The following TAFA1 variants were observed in gnomAD, a reference collection of about 807,000 sequenced individuals.
The protein encoded by TAFA1 is TAFA chemokine like family member 1.
Under a neutral mutation model 18.5 loss-of-function variants are expected in TAFA1, and 4 were observed. The observed-to-expected ratio is 0.22, with a 90% CI of 0.11 to 0.49. TAFA1 has a LOEUF of 0.49. TAFA1 is among the 20% of genes least tolerant of loss of function. The pLI is 0.98. For missense variants in TAFA1, 147 were observed against 169.0 expected (o/e 0.87, Z 0.72); for synonymous variants, 56 against 55.2 (o/e 1.01, Z -0.06).
chr3:68,057,217 T>C (rs141976766), intron 2 of TAFA1, among the ~76,000 whole-genome samples: 3 of 152,208 alleles, frequency 2.0e-5, no homozygotes, highest in East Asian at 3.8e-4. Flanking sequence ...AGTGTGATAA[T>C]TCAAATGCTG....
chr3:68,394,045 T>A (rs2106721977), intron 2 of TAFA1, among the ~76,000 whole-genome samples: 1 of 150,942 alleles, frequency 6.6e-6, no homozygotes. Context: ...AATATGCATT[T>A]AGAAAACCAC....
intron 2 of TAFA1, among the ~76,000 whole-genome samples, chr3:68,364,138 T>C (rs1031852023): frequency 1.3e-5 from 2 of 152,194 alleles, no homozygotes; most frequent in African/African-American, 2.4e-5. Context: ...CAGAATTAAG[T>C]GTAAGTGAAG....
chr3:68,384,293 T>C (rs1401134765), intron 2 of TAFA1, among the ~76,000 whole-genome samples: 1 of 151,626 alleles, frequency 6.6e-6, no homozygotes, highest in East Asian at 1.9e-4. Context: ...GATCTTTCTT[T>C]ATGATATGGA....
intron 2 of TAFA1, among the ~76,000 whole-genome samples, chr3:68,089,267 T>C (rs1181042498): frequency 6.6e-6 from 1 of 152,204 alleles, no homozygotes; most frequent in East Asian, 1.9e-4. Flanking sequence ...TTTACTTATT[T>C]GTAAAATTGA....
intron 3 of TAFA1, among the ~76,000 whole-genome samples, chr3:68,470,060 A>T (rs918907184): frequency 6.6e-6 from 1 of 152,154 alleles, no homozygotes; most frequent in Non-Finnish European, 1.5e-5. Context: ...GGTGAAGATA[A>T]TTGAATCATG....
chr3:68,375,132 C>T (rs561740551), intron 2 of TAFA1, among the ~76,000 whole-genome samples: 2 of 152,046 alleles, frequency 1.3e-5, no homozygotes, highest in Non-Finnish European at 2.9e-5. Context: ...GTGTTCCCAC[C>T]TGAACTGTAA....
chr3:68,024,731 C>T (rs1704775407), intron 2 of TAFA1, among the ~76,000 whole-genome samples: 1 of 151,332 alleles, frequency 6.6e-6, no homozygotes, highest in Non-Finnish European at 1.5e-5. Context: ...ACCTCCCATC[C>T]CTTAGGGGCA....
chr3:68,154,898 T>C (rs1378222358), intron 2 of TAFA1, among the ~76,000 whole-genome samples: 2 of 152,150 alleles, frequency 1.3e-5, no homozygotes, highest in Non-Finnish European at 2.9e-5. Flanking sequence ...CATTCTGCAA[T>C]GAAGACAGGG....
intron 2 of TAFA1, among the ~76,000 whole-genome samples, chr3:68,110,084 A>G (rs2065247007): frequency 6.6e-6 from 1 of 152,196 alleles, no homozygotes; most frequent in Non-Finnish European, 1.5e-5. Flanking sequence ...ATCACCTTGT[A>G]TTAAGCCCAG....
chr3:68,322,600 G>T (rs1004129232), intron 2 of TAFA1, among the ~76,000 whole-genome samples: 1 of 152,154 alleles, frequency 6.6e-6, no homozygotes, highest in Non-Finnish European at 1.5e-5. Context: ...GGGAGGCCAA[G>T]GAGGGAGAAT....
intron 2 of TAFA1, among the ~76,000 whole-genome samples, chr3:68,270,787 T>C (rs955530350): frequency 3.3e-5 from 5 of 152,152 alleles, no homozygotes; most frequent in African/African-American, 1.2e-4. Flanking sequence ...AGATGTATTA[T>C]GGATTAAACA....
chr3:68,094,337 C>T (rs916710904), intron 2 of TAFA1, among the ~76,000 whole-genome samples: 1 of 152,042 alleles, frequency 6.6e-6, no homozygotes, highest in African/African-American at 2.4e-5. Flanking sequence ...GACTTTGTTA[C>T]TTACTGTCTC....
chr3:68,360,199 C>T (rs1214369246), intron 2 of TAFA1, among the ~76,000 whole-genome samples: 1 of 151,924 alleles, frequency 6.6e-6, no homozygotes. Context: ...ATATTTACTC[C>T]ACAGATCCTC....
chr3:68,001,944 G>T (rs191480488), upstream of TAFA1, among the ~76,000 whole-genome samples: 4 of 152,282 alleles, frequency 2.6e-5, no homozygotes, highest in East Asian at 3.9e-4. Flanking sequence ...ATCTGAGGGT[G>T]TCACTTCAGC....
At position 68,004,712 on chromosome 3, in the gene TAFA1, A is replaced by G. The variant is rs1275242735; in HGVS notation, c.-4+10A>G. 6.6e-6 allele frequency: 1 copy of G among 152,182 alleles called. No homozygotes were observed. The highest frequency in any genetic ancestry group is 1.9e-4 in the East Asian group (1 of 5,184). The allele number at this position is 152,182 out of a possible 1,614,324, so 9.4% of individuals were successfully genotyped here. On this transcript the variant is annotated intron_variant, in intron 1 of 4. Coordinates refer to ENST00000478136, the MANE Select transcript of TAFA1 (RefSeq NM_213609.4). ...TGGCTGGATTTTTCAGGTAAGAAGCATCTTTAAGGGTTTAAGATTCAGAAA... is the reference window on the plus strand; with the variant it reads ...TGGCTGGATTTTTCAGGTAAGAAGCGTCTTTAAGGGTTTAAGATTCAGAAA...
At chr3:68,400,942 G>A (rs207463191) in intron 2 of TAFA1, among the ~76,000 whole-genome samples, 3 of 152,156 alleles carry the variant, frequency 2.0e-5, no homozygotes, top group Non-Finnish European at 4.4e-5. Flanking sequence ...ATTTTTGAAT[G>A]TGTGGGCAAA....
chr3:68,501,334 G>C (rs1037293300), intron 3 of TAFA1, among the ~76,000 whole-genome samples: 2 of 151,978 alleles, frequency 1.3e-5, no homozygotes, highest in Non-Finnish European at 2.9e-5. Flanking sequence ...GTGAATGCAG[G>C]TCATAACCGA....
intron 2 of TAFA1, among the ~76,000 whole-genome samples, chr3:68,281,034 C>A (rs73097384): frequency 2.0e-5 from 3 of 152,002 alleles, no homozygotes; most frequent in Admixed American, 2.0e-4. Flanking sequence ...TGATGGTATG[C>A]AACTTATTTC....
At chr3:68,259,016 G>C (rs916069543) in intron 2 of TAFA1, among the ~76,000 whole-genome samples, 3 of 152,158 alleles carry the variant, frequency 2.0e-5, no homozygotes, top group Non-Finnish European at 4.4e-5. Flanking sequence ...TCTTCCCAAA[G>C]GCACACGTGG....
Sources: allele counts gnomAD v4.1 joint callset (sites outside exome capture counted in the v4.1 genomes callset), GRCh38; gene constraint gnomAD v4.1.1; transcripts MANE v1.5; gene names NCBI Gene and HGNC (gene_info 2026-07-23, HGNC 2026-07-21).